OSTF1: variants seen among roughly 807,000 people sequenced by gnomAD.
The protein encoded by OSTF1 is osteoclast-stimulating factor 1.
A neutral mutation model predicts 37.2 loss-of-function variants in OSTF1; 27 were observed. The observed-to-expected ratio is 0.73, with a 90% CI of 0.54 to 1.00. The LOEUF (loss-of-function observed/expected upper bound fraction) is 1.00, where lower values mean the gene tolerates loss of function less well. Ranked by LOEUF, OSTF1 falls within the 50% of genes least tolerant of loss-of-function variation. The pLI is 0.00. For synonymous variants in OSTF1, 82 were observed against 89.2 expected, an observed-to-expected ratio of 0.92 and a Z score of 0.46; for missense variants, 232 against 253.8, an observed-to-expected ratio of 0.91 and a Z score of 0.58.
intron 2 of OSTF1, among the ~76,000 whole-genome samples, chr9:75,126,032 C>A (rs1200726589): frequency 6.6e-6 from 1 of 152,130 alleles, no homozygotes; most frequent in Non-Finnish European, 1.5e-5. Flanking sequence ...GTCTCAGCCT[C>A]CCGAATAGCT....
rs190316672 is a variant in OSTF1 at position 75,139,523 on chromosome 9, G to T, written c.488-1311G>T. 6.6e-5 allele frequency among the ~76,000 whole-genome samples: 10 copies of T among 152,188 alleles called. No homozygotes were observed. In the East Asian group the frequency reaches 1.9e-3, roughly 29 times the overall value. On this transcript the variant is annotated intron_variant, in intron 8 of 9. Transcript: ENST00000346234. ...GGCTCATTGCAGTCTCCGCCTCCTG[G>T]ATTCAAGTGATTCTCATGCCTCAGT... is the stretch of plus-strand genomic sequence containing the variant.
intron 2 of OSTF1, among the ~76,000 whole-genome samples, chr9:75,121,368 GTTA>G (rs1431458703): frequency 6.6e-6 from 1 of 152,038 alleles, no homozygotes; most frequent in African/African-American, 2.4e-5. Flanking sequence ...AAAAATCTTA[GTTA>G]TTATTGAATA....
At chr9:75,137,760 T>G in intron 8 of OSTF1, 144 bp downstream of exon 8, 1 of 578,288 alleles carries the variant, frequency 1.7e-6, no homozygotes, top group Non-Finnish European at 3.1e-6. Flanking sequence ...TATCATGGAA[T>G]AGTTATGATA....
At chr9:75,108,839 A>G (rs141838630) in intron 1 of OSTF1, among the ~76,000 whole-genome samples, 293 of 152,234 alleles carry the variant, frequency 1.9e-3, no homozygotes, top group African/African-American at 6.4e-3. Flanking sequence ...TGCTTTTTCT[A>G]CAGACCTTGT....
At chr9:75,106,876 C>T (rs953409107) in intron 1 of OSTF1, among the ~76,000 whole-genome samples, 1 of 150,988 alleles carries the variant, frequency 6.6e-6, no homozygotes, top group Admixed American at 6.6e-5. Flanking sequence ...ATCACTTGAA[C>T]CTGGGACGCG....
At chr9:75,145,470 C>A (rs116564227) in intron 9 of OSTF1, among the ~76,000 whole-genome samples, 1,560 of 152,250 alleles carry the variant, frequency 0.01, 32 homozygotes, top group African/African-American at 0.036. Flanking sequence ...CATTGATGAT[C>A]GTTGCCTAGA....
At chr9:75,101,074 G>A (rs1462720439) in intron 1 of OSTF1, among the ~76,000 whole-genome samples, 1 of 152,082 alleles carries the variant, frequency 6.6e-6, no homozygotes, top group Non-Finnish European at 1.5e-5. Context: ...GGCCTTTTTG[G>A]GAGTCACTTG....
chr9:75,125,625 G>C (rs1320180733), intron 2 of OSTF1, among the ~76,000 whole-genome samples: 2 of 152,130 alleles, frequency 1.3e-5, no homozygotes, highest in Non-Finnish European at 2.9e-5. Context: ...CCTTTTAAAG[G>C]ACTTAGCCAT....
chr9:75,142,147 C>G lies in OSTF1; in HGVS notation c.586+1215C>G, dbSNP rs563699683. On this transcript the variant is annotated intron_variant, in intron 9 of 9. Transcript: ENST00000346234. ...TGTAACTGCTAATCAGTTGGTATTC[C>G]TTAATTAATCCATGAGAGCTCACTG... is the stretch of plus-strand genomic sequence containing the variant. Among the ~76,000 whole-genome samples the G allele has an allele frequency of 2.0e-5, 3 of 152,066 alleles. No individual in the cohort carries two copies. In the East Asian group the frequency reaches 5.8e-4, roughly 29 times the overall value.
At chr9:75,114,410 A>G (rs1235217149) in intron 1 of OSTF1, among the ~76,000 whole-genome samples, 1 of 152,216 alleles carries the variant, frequency 6.6e-6, no homozygotes, top group Non-Finnish European at 1.5e-5. Context: ...TCAATTTATC[A>G]GTCACATGAA....
chr9:75,104,204 A>G (rs78768807), intron 1 of OSTF1, among the ~76,000 whole-genome samples: 7,255 of 152,202 alleles, frequency 0.048, 220 homozygotes, highest in Middle Eastern at 0.082. Flanking sequence ...TGATTGTGGC[A>G]TTGCACTCCA....
At chr9:75,119,398 A>C (rs1825542450) in intron 2 of OSTF1, among the ~76,000 whole-genome samples, 1 of 152,240 alleles carries the variant, frequency 6.6e-6, no homozygotes, top group African/African-American at 2.4e-5. Flanking sequence ...TCTCACCAAG[A>C]GATTCCACTG....
At chr9:75,106,228 A>T (rs1825281035) in intron 1 of OSTF1, among the ~76,000 whole-genome samples, 1 of 152,226 alleles carries the variant, frequency 6.6e-6, no homozygotes, top group African/African-American at 2.4e-5. Context: ...GATTTAATTA[A>T]TCCAAGAGTA....
intron 1 of OSTF1, among the ~76,000 whole-genome samples, chr9:75,116,816 A>G (rs1016817641): frequency 1.3e-5 from 2 of 152,150 alleles, no homozygotes; most frequent in African/African-American, 2.4e-5. Flanking sequence ...ATAATTATGT[A>G]GCTCCTTGCT....
intron 1 of OSTF1, among the ~76,000 whole-genome samples, chr9:75,111,578 G>A (rs919946296): frequency 6.6e-6 from 1 of 152,102 alleles, no homozygotes; most frequent in East Asian, 1.9e-4. Context: ...AAAAGATTGG[G>A]CCTCGTTTTA....
chr9:75,119,823 G>C (rs11144240), intron 2 of OSTF1, among the ~76,000 whole-genome samples: 2 of 152,024 alleles, frequency 1.3e-5, no homozygotes, highest in African/African-American at 2.4e-5. Flanking sequence ...AATTAGCTGG[G>C]TGTGGTGGTG....
chr9:75,123,443 A>C (rs377036230), intron 2 of OSTF1, among the ~76,000 whole-genome samples: 10 of 152,186 alleles, frequency 6.6e-5, no homozygotes, highest in Admixed American at 6.5e-4. Context: ...AAAACAAAAA[A>C]CAAAAAACAA....
chr9:75,133,265 G>C, intron 5 of OSTF1, 29 bp from the exon 6 acceptor site: 1 of 1,330,856 alleles, frequency 7.5e-7, no homozygotes, highest in Admixed American at 2.0e-5. Flanking sequence ...TTTTTTTCTT[G>C]TGTTCTTGTA....
At chr9:75,144,690 C>CT (rs71990092) in intron 9 of OSTF1, among the ~76,000 whole-genome samples, 4 of 150,664 alleles carry the variant, frequency 2.7e-5, no homozygotes, top group African/African-American at 4.9e-5. Flanking sequence ...AACATGAAAA[C>CT]TTTTTTTTTT....
Sources: gnomAD v4.1 joint callset for allele counts (sites outside exome capture counted in the v4.1 genomes callset) on GRCh38, gnomAD v4.1.1 for gene constraint, MANE v1.5 for transcripts, NCBI Gene and HGNC (gene_info 2026-07-23, HGNC 2026-07-21) for gene names.